CCDC102B: variants seen among roughly 807,000 people sequenced by gnomAD.
CCDC102B encodes the protein coiled-coil domain containing 102B.
CCDC102B carries 75 observed loss-of-function variants against 57.4 expected under a neutral mutation model. That is an observed-to-expected ratio of 1.31 (90% CI 1.08 to 1.58). The LOEUF (loss-of-function observed/expected upper bound fraction) is 1.58, where lower values mean the gene tolerates loss of function less well. Ranked by LOEUF, CCDC102B falls within the 40% of genes most tolerant of loss-of-function variation. The pLI, the probability that CCDC102B is intolerant of heterozygous loss-of-function variation, is 0.00. For missense variants in CCDC102B, 636 were observed against 582.6 expected (o/e 1.09, Z -0.94); for synonymous variants, 206 against 201.9 (o/e 1.02, Z -0.17).
intron 6 of CCDC102B, among the ~76,000 whole-genome samples, chr18:68,905,732 G>A (rs926488265): frequency 2.0e-5 from 3 of 147,022 alleles, no homozygotes; most frequent in African/African-American, 7.5e-5. Flanking sequence ...TGGATTTCGG[G>A]ATATTTCATA....
intron 6 of CCDC102B, among the ~76,000 whole-genome samples, chr18:69,009,332 A>G (rs2051436496): frequency 6.6e-6 from 1 of 152,114 alleles, no homozygotes; most frequent in Non-Finnish European, 1.5e-5. Context: ...TGATGAGAAC[A>G]TTCTCATCAC....
At chr18:68,745,385 T>C (rs913977059) in intron 2 of CCDC102B, among the ~76,000 whole-genome samples, 6 of 152,128 alleles carry the variant, frequency 3.9e-5, no homozygotes, top group Admixed American at 3.3e-4. Context: ...CCACACCGTA[T>C]AGTACCTCCT....
At chr18:68,847,416 TTAAG>T (rs1341941002) in intron 4 of CCDC102B, among the ~76,000 whole-genome samples, 2 of 136,962 alleles carry the variant, frequency 1.5e-5, no homozygotes, top group African/African-American at 5.1e-5. Flanking sequence ...AGTGTAAAAT[TTAAG>T]TAAAAAAAAG....
chr18:68,941,949 A>T (rs1599725814), intron 6 of CCDC102B, among the ~76,000 whole-genome samples: 1 of 152,050 alleles, frequency 6.6e-6, no homozygotes, highest in East Asian at 1.9e-4. Context: ...GATCTCCTTC[A>T]GGCAAGGTTA....
At chr18:68,918,296 G>A (rs58258137) in intron 6 of CCDC102B, among the ~76,000 whole-genome samples, 216 of 152,090 alleles carry the variant, frequency 1.4e-3, no homozygotes, top group African/African-American at 4.6e-3. Context: ...TAGGGCCCCT[G>A]GTATCTCTAT....
chr18:68,877,193 T>C (rs2039482796), intron 5 of CCDC102B, among the ~76,000 whole-genome samples: 1 of 152,192 alleles, frequency 6.6e-6, no homozygotes, highest in African/African-American at 2.4e-5. Context: ...TCCTTTAAGT[T>C]TCTTACTGTC....
chr18:68,806,219 C>A (rs1256853622), intron 1 of CCDC102B, among the ~76,000 whole-genome samples: 1 of 151,886 alleles, frequency 6.6e-6, no homozygotes, highest in Non-Finnish European at 1.5e-5. Context: ...ATTATTTTTT[C>A]CCATGTTGTC....
chr18:68,952,672 C>T (rs1319346351), intron 6 of CCDC102B, among the ~76,000 whole-genome samples: 4 of 151,942 alleles, frequency 2.6e-5, no homozygotes, highest in African/African-American at 4.8e-5. Context: ...AAGTGAAGGG[C>T]GATATTAATC....
At chr18:69,005,087 G>A (rs1356075369) in intron 6 of CCDC102B, among the ~76,000 whole-genome samples, 1 of 152,084 alleles carries the variant, frequency 6.6e-6, no homozygotes, top group East Asian at 1.9e-4. Context: ...TTAAAAACAG[G>A]CAGGTAGTAC....
chr18:68,728,499 C>T (rs1354496892), intron 2 of CCDC102B, among the ~76,000 whole-genome samples: 1 of 152,186 alleles, frequency 6.6e-6, no homozygotes, highest in African/African-American at 2.4e-5. Flanking sequence ...AGCTTTCAGA[C>T]TGTGCACCAA....
intron 6 of CCDC102B, chr18:68,897,703 G>T (rs1031416028): frequency 1.6e-4 from 190 of 1,194,340 alleles, no homozygotes; most frequent in Non-Finnish European, 2.0e-4. Flanking sequence ...GAACTTTCTG[G>T]TTTTTTGTTT....
At chr18:68,958,155 A>G (rs933995778) in intron 6 of CCDC102B, among the ~76,000 whole-genome samples, 1 of 152,132 alleles carries the variant, frequency 6.6e-6, no homozygotes, top group South Asian at 2.1e-4. Context: ...TGAGAACAGC[A>G]TGGGAAAGAC....
chr18:68,879,464 T>A (rs1417224161), intron 5 of CCDC102B, among the ~76,000 whole-genome samples: 1 of 152,150 alleles, frequency 6.6e-6, no homozygotes, highest in African/African-American at 2.4e-5. Flanking sequence ...AGTCCAGTGG[T>A]CTGTTTTGAC....
At chr18:68,935,101 A>G (rs1456649689) in intron 6 of CCDC102B, among the ~76,000 whole-genome samples, 1 of 151,792 alleles carries the variant, frequency 6.6e-6, no homozygotes, top group East Asian at 2.0e-4. Flanking sequence ...ATAAGGTGAC[A>G]TTGAAACTGA....
chr18:68,945,115 T>A (rs1335281201), intron 6 of CCDC102B, among the ~76,000 whole-genome samples: 7 of 61,444 alleles, frequency 1.1e-4, no homozygotes, highest in South Asian at 5.9e-4. Context: ...TCTCTGTCTC[T>A]CTCTCTCCAC....
chr18:68,744,209 TTGG>T (rs2033523960), intron 2 of CCDC102B, among the ~76,000 whole-genome samples: 1 of 152,146 alleles, frequency 6.6e-6, no homozygotes, highest in Admixed American at 6.6e-5. Flanking sequence ...TGGACACAGT[TTGG>T]ATAGGAAATG....
chr18:69,007,574 T>A (rs932184987), intron 6 of CCDC102B, among the ~76,000 whole-genome samples: 10 of 152,208 alleles, frequency 6.6e-5, no homozygotes, highest in African/African-American at 2.2e-4. Flanking sequence ...TTATGGTGAA[T>A]CAGAAACACC....
At chr18:68,911,523 C>G (rs896607884) in intron 6 of CCDC102B, among the ~76,000 whole-genome samples, 1 of 150,064 alleles carries the variant, frequency 6.7e-6, no homozygotes, top group Non-Finnish European at 1.5e-5. Context: ...GAGGCCGAGG[C>G]GGGCGGATCA....
At chr18:68,874,528 A>T in intron 4 of CCDC102B, 141 bp from the exon 5 acceptor site, 1 of 551,490 alleles carries the variant, frequency 1.8e-6, no homozygotes, top group Non-Finnish European at 3.3e-6. Context: ...CACAATCATT[A>T]CATCATCAGC....
Sources: allele counts gnomAD v4.1 joint callset (sites outside exome capture counted in the v4.1 genomes callset), GRCh38; gene constraint gnomAD v4.1.1; transcripts MANE v1.5; gene names NCBI Gene and HGNC (gene_info 2026-07-23, HGNC 2026-07-21).